Variants in ARMH3 observed in about 807,000 individuals in gnomAD.
ARMH3 encodes the protein armadillo-like helical domain-containing protein 3.
Under a neutral mutation model 99.1 loss-of-function variants are expected in ARMH3, and 60 were observed. The ratio of observed to expected loss-of-function variants is 0.61; its 90% confidence interval spans 0.49 to 0.75. ARMH3 has a LOEUF of 0.75. Among genes scored for constraint, ARMH3 ranks in the 30% least tolerant of loss-of-function variants. The probability of loss-of-function intolerance (pLI) is 0.00; values close to 1 mark genes in which losing one functional copy is unlikely to be tolerated. For synonymous variants in ARMH3, 285 were observed against 292.8 expected (o/e 0.97, Z 0.27); for missense variants, 679 against 843.1 (o/e 0.81, Z 2.41).
intron 8 of ARMH3, among the ~76,000 whole-genome samples, chr10:102,015,289 G>A (rs2066722308): frequency 6.6e-6 from 1 of 152,028 alleles, no homozygotes; most frequent in Non-Finnish European, 1.5e-5. Context: ...ACTTAGATAT[G>A]CTGCCATGAT....
intron 22 of ARMH3, among the ~76,000 whole-genome samples, chr10:101,946,176 CAAAAG>C (rs1026340565): frequency 2.0e-5 from 3 of 149,844 alleles, no homozygotes; most frequent in South Asian, 2.1e-4. Flanking sequence ...GACCAATTCT[CAAAAG>C]AAAAGACAAA....
At chr10:101,877,370 A>T (rs1233579220) in intron 24 of ARMH3, among the ~76,000 whole-genome samples, 2 of 152,136 alleles carry the variant, frequency 1.3e-5, no homozygotes, top group Admixed American at 6.5e-5. Flanking sequence ...CTCAAAAAAA[A>T]ATTTTTTTAG....
rs1006565879 is a variant in ARMH3 at position 102,039,799 on chromosome 10, C to A, written c.102+214G>T. On this transcript the variant is annotated intron_variant, in intron 2 of 25. Coordinates refer to ENST00000370033, the MANE Select transcript of ARMH3 (RefSeq NM_024541.3). ...GTTTTACCTGGCTCATGGCAACAAC[C>A]TATAAGGACAACACAATAACAACCT... Among the ~76,000 whole-genome samples the A allele has an allele frequency of 4.6e-5, 7 of 152,176 alleles. No individual in the cohort carries two copies. In the East Asian group the frequency reaches 1.3e-3, roughly 29 times the overall value.
intron 24 of ARMH3, among the ~76,000 whole-genome samples, chr10:101,861,524 AGTTTGAGAC>A (rs2066868451): frequency 6.6e-6 from 1 of 151,916 alleles, no homozygotes; most frequent in Non-Finnish European, 1.5e-5. Flanking sequence ...CGAGGGCAGG[AGTTTGAGAC>A]CAGCCTGGCC....
At chr10:102,015,875 T>C (rs1283139606) in intron 8 of ARMH3, among the ~76,000 whole-genome samples, 2 of 152,258 alleles carry the variant, frequency 1.3e-5, no homozygotes, top group Admixed American at 1.3e-4. Context: ...GGCTCATGCC[T>C]GTAATCCTAA....
chr10:101,933,444 A>G (rs1348733114), intron 23 of ARMH3, among the ~76,000 whole-genome samples: 1 of 152,196 alleles, frequency 6.6e-6, no homozygotes, highest in Non-Finnish European at 1.5e-5. Flanking sequence ...TCCAGCTATG[A>G]CCTATTGTAA....
chr10:101,915,232 G>A (rs575923199), intron 23 of ARMH3, among the ~76,000 whole-genome samples: 7 of 152,296 alleles, frequency 4.6e-5, no homozygotes, highest in African/African-American at 1.7e-4. Context: ...TGGGGTCTTG[G>A]TTGAGGGCCC....
chr10:101,973,359 CAAAAAAAAAA>C (rs56712768), intron 20 of ARMH3, among the ~76,000 whole-genome samples: 5 of 80,158 alleles, frequency 6.2e-5, no homozygotes, highest in Non-Finnish European at 1.3e-4. Context: ...GACTCCGTCT[CAAAAAAAAAA>C]AAAAAAAAAG....
intron 20 of ARMH3, among the ~76,000 whole-genome samples, chr10:101,975,005 G>T (rs2135922023): frequency 9.6e-6 from 1 of 104,140 alleles, no homozygotes; most frequent in African/African-American, 3.7e-5. Flanking sequence ...GTAAAGAATA[G>T]ACATGTGACA....
chr10:102,031,095 T>A, intron 4 of ARMH3, among the ~76,000 whole-genome samples: 1 of 152,208 alleles, frequency 6.6e-6, no homozygotes, highest in South Asian at 2.1e-4. Context: ...ACAGTTTTTA[T>A]AATTATTTTT....
chr10:101,872,697 C>T (rs1204801043), intron 24 of ARMH3, among the ~76,000 whole-genome samples: 2 of 150,236 alleles, frequency 1.3e-5, no homozygotes, highest in African/African-American at 4.9e-5. Context: ...GTGGCTCATC[C>T]CTGTAATCCC....
At chr10:101,871,053 T>C (rs1320268302) in intron 24 of ARMH3, among the ~76,000 whole-genome samples, 1 of 152,090 alleles carries the variant, frequency 6.6e-6, no homozygotes, top group African/African-American at 2.4e-5. Context: ...TTCCATAAAC[T>C]AGCAACAAAC....
In ARMH3 at chr10:101,895,339, G is replaced by A. The variant is rs374031543; in HGVS notation, c.1782-5849C>T. Among the ~76,000 whole-genome samples the A allele has an allele frequency of 9.3e-5, 14 of 151,224 alleles. No homozygotes were observed. In the South Asian group the frequency reaches 2.9e-3, roughly 32 times the overall value. ...CTGTCGCCCAGGCTGCAGTGCAGTGGTGCAATCTTGGCTCACTGCAAGCTC... is the reference window on the plus strand; with the variant it reads ...CTGTCGCCCAGGCTGCAGTGCAGTGATGCAATCTTGGCTCACTGCAAGCTC... On this transcript the variant is annotated intron_variant, in intron 23 of 25. Transcript: ENST00000370033.
At chr10:101,876,063 A>G (rs944363206) in intron 24 of ARMH3, among the ~76,000 whole-genome samples, 8 of 152,022 alleles carry the variant, frequency 5.3e-5, no homozygotes, top group Non-Finnish European at 8.8e-5. Context: ...CCTGGCCAAC[A>G]TGGTGAAACC....
chr10:102,007,957 A>T (rs1482395101), intron 13 of ARMH3, among the ~76,000 whole-genome samples: 3 of 151,916 alleles, frequency 2.0e-5, no homozygotes, highest in African/African-American at 7.3e-5. Context: ...CCCAGTAGGG[A>T]CCAAAACAGA....
chr10:102,038,854 T>C (rs1379036978), intron 2 of ARMH3, among the ~76,000 whole-genome samples: 1 of 151,038 alleles, frequency 6.6e-6, no homozygotes, highest in Admixed American at 6.6e-5. Context: ...ATCCTCCCAC[T>C]TCAGCCTCCC....
At chr10:101,914,008 T>A (rs1002902833) in intron 23 of ARMH3, among the ~76,000 whole-genome samples, 36 of 152,176 alleles carry the variant, frequency 2.4e-4, no homozygotes, top group Non-Finnish European at 4.4e-5. Context: ...CATGTGGTAG[T>A]ACTACCAATG....
chr10:101,866,402 T>G (rs2067003974), intron 24 of ARMH3, among the ~76,000 whole-genome samples: 4 of 150,930 alleles, frequency 2.7e-5, no homozygotes, highest in African/African-American at 7.3e-5. Flanking sequence ...CTGAATTGCT[T>G]GATATGTACC....
chr10:101,874,061 T>C (rs1475289473), intron 24 of ARMH3, among the ~76,000 whole-genome samples: 1 of 152,178 alleles, frequency 6.6e-6, no homozygotes, highest in African/African-American at 2.4e-5. Flanking sequence ...ACATATTGCA[T>C]TAGTTTATTT....
Sources: gnomAD v4.1 joint callset for allele counts (sites outside exome capture counted in the v4.1 genomes callset) on GRCh38, gnomAD v4.1.1 for gene constraint, MANE v1.5 for transcripts, NCBI Gene and HGNC (gene_info 2026-07-23, HGNC 2026-07-21) for gene names.